The following PPIL6 variants were observed in gnomAD, a reference collection of about 807,000 sequenced individuals.
PPIL6 encodes the protein peptidylprolyl isomerase like 6.
A neutral mutation model predicts 36.8 loss-of-function variants in PPIL6; 39 were observed. The observed-to-expected ratio is 1.06, with a 90% CI of 0.82 to 1.38. The LOEUF is 1.38. Ranked by LOEUF, PPIL6 falls within the 40% of genes most tolerant of loss-of-function variation. The pLI, the probability that PPIL6 is intolerant of heterozygous loss-of-function variation, is 0.00. For synonymous variants in PPIL6, 123 were observed against 134.1 expected, an observed-to-expected ratio of 0.92 and a Z score of 0.57; for missense variants, 368 against 379.1, an observed-to-expected ratio of 0.97 and a Z score of 0.24.
At chr6:109,400,259 A>G in intron 6 of PPIL6, 89 bp from the exon 7 acceptor site, 1 of 1,011,778 alleles carries the variant, frequency 9.9e-7, no homozygotes, top group Non-Finnish European at 1.4e-6. Flanking sequence ...AACCCTTGGT[A>G]ACACTCTCAA....
intron 1 of PPIL6, among the ~76,000 whole-genome samples, chr6:109,436,737 AAAAAC>A (rs1774469776): frequency 6.6e-6 from 1 of 152,148 alleles, no homozygotes; most frequent in Admixed American, 6.5e-5. Context: ...CAAAAAACAA[AAAAAC>A]AAAACAAAAC....
chr6:109,397,111 A>T (rs527552816), intron 7 of PPIL6, among the ~76,000 whole-genome samples: 1 of 150,648 alleles, frequency 6.6e-6, no homozygotes, highest in East Asian at 1.9e-4. Flanking sequence ...AGCACTCTGT[A>T]AGGTCTTATT....
chr6:109,418,302 C>G (rs1773365898), intron 6 of PPIL6: 1 of 152,744 alleles, frequency 6.5e-6, no homozygotes, highest in Admixed American at 6.6e-5. Flanking sequence ...CTGCTCCTGC[C>G]TCTTCCAACC....
chr6:109,434,471 T>C lies in PPIL6; in HGVS notation c.231+1633A>G, dbSNP rs752638385. ...TGTGTGTCTAGAATACTGTCTGTCA[T>C]ATAATAAGCAGAATTGTAAGTGTTT... is the stretch of plus-strand genomic sequence containing the variant. On this transcript the variant is annotated intron_variant, in intron 2 of 7. Transcript: ENST00000521072. 5.0e-4 allele frequency among the ~76,000 whole-genome samples: 76 copies of C among 152,284 alleles called. 2 individuals are homozygous for C. Among genetic ancestry groups the C allele is most frequent in the Non-Finnish European group, 1.5e-4 (10 of 68,026 alleles).
At chr6:109,417,861 G>A (rs963149112) in intron 6 of PPIL6, among the ~76,000 whole-genome samples, 2 of 152,110 alleles carry the variant, frequency 1.3e-5, no homozygotes, top group Non-Finnish European at 2.9e-5. Context: ...AAACAATTAC[G>A]TAATCTTCCC....
At chr6:109,398,495 A>AAC (rs1489427268) in intron 7 of PPIL6, among the ~76,000 whole-genome samples, 5 of 152,188 alleles carry the variant, frequency 3.3e-5, no homozygotes, top group African/African-American at 9.6e-5. Flanking sequence ...GAAAAATACA[A>AAC]ACACTTTACA....
intron 6 of PPIL6, among the ~76,000 whole-genome samples, chr6:109,401,814 T>TCC (rs10691068): frequency 0.52 from 78,628 of 150,974 alleles, 21,591 homozygotes; most frequent in African/African-American, 0.71. Flanking sequence ...AAGCTGCGCC[T>TCC]CGGGTTCATG....
chr6:109,396,680 C>T (rs1482950660), intron 7 of PPIL6, among the ~76,000 whole-genome samples: 6 of 151,808 alleles, frequency 4.0e-5, no homozygotes, highest in Non-Finnish European at 8.8e-5. Context: ...TGAAATAATT[C>T]CCCCTCCCCC....
chr6:109,409,199 A>G (rs1772914165), intron 6 of PPIL6, among the ~76,000 whole-genome samples: 1 of 152,246 alleles, frequency 6.6e-6, no homozygotes, highest in Non-Finnish European at 1.5e-5. Flanking sequence ...GACTGGGTAT[A>G]GTTCTCCTAG....
intron 4 of PPIL6, 27 bp downstream of exon 4, chr6:109,427,067 A>T (rs1294490615): frequency 6.3e-7 from 1 of 1,598,988 alleles, no homozygotes. Context: ...CTACCCCCAC[A>T]AACTTACATA....
chr6:109,397,330 C>T (rs954733305), intron 7 of PPIL6, among the ~76,000 whole-genome samples: 12 of 151,834 alleles, frequency 7.9e-5, no homozygotes, highest in African/African-American at 2.4e-4. Flanking sequence ...AAAAGGAGAC[C>T]GAGTGCTCTC....
rs182825846 is a variant in PPIL6 at position 109,427,593 on chromosome 6, C to T, written c.421-437G>A. Among the ~76,000 whole-genome samples, 6 of 152,176 alleles carry T rather than the reference C, an allele frequency of 3.9e-5. No individual in the cohort carries two copies. The East Asian group carries it at 5.8e-4, about 15-fold the overall frequency. ...ATAGAGATGGGGTTTCACCACGTTG[C>T]CCAGGGTGGTCTCGAACTCCTGAGC... On this transcript the variant is annotated intron_variant, in intron 3 of 7. Transcript: ENST00000521072.
Position 109,436,096 on chromosome 6 carries a change from T to C in PPIL6, c.231+8A>G. 3.4e-6 allele frequency: 5 copies of C among 1,463,582 alleles called. No individual in the cohort carries two copies. Among genetic ancestry groups the C allele is most frequent in the South Asian group, 1.2e-5 (1 of 86,940 alleles). 90.7% of individuals were successfully genotyped at this position (1,463,582 alleles called of 1,614,324 possible). A position where few individuals can be genotyped will look rare whatever the true frequency, so the allele number is the denominator to read the frequency against. ...GTCTATATCCCCCACACCCCAAATA[T>C]CCTTTACCCTTTTTTTCTCCTGTAG... is the stretch of plus-strand genomic sequence containing the variant. On this transcript the variant is annotated splice_region_variant and intron_variant, in intron 2 of 7. Transcript: ENST00000521072.
rs1351195831 is a variant in PPIL6, at chr6:109,390,817, A to G, written c.*2009T>C. Reference sequence around the variant, plus strand: ...TGGGGAAAATGGGTGAAAGGTACACAGGACTGCTCTGTACTATTTTTGCAA... The same window carrying G: ...TGGGGAAAATGGGTGAAAGGTACACGGGACTGCTCTGTACTATTTTTGCAA... On this transcript the variant is annotated 3_prime_UTR_variant, in exon 8 of 8. Coordinates refer to ENST00000521072, the MANE Select transcript of PPIL6 (RefSeq NM_173672.5). 6.6e-6 allele frequency: 1 copy of G among 152,214 alleles called. No individual in the cohort carries two copies. The highest frequency in any genetic ancestry group is 2.4e-5 in the African/African-American group (1 of 41,448). The allele number at this position is 152,214 out of a possible 1,614,324, so 9.4% of individuals were successfully genotyped here.
rs369031563 is a variant in PPIL6 at position 109,400,134 on chromosome 6, A to G, written c.725T>C (p.Val242Ala). The change falls in exon 7 of 8, where the codon GTA becomes GCA. Residue 242 changes from valine to alanine, a missense_variant. Val to Ala is a moderately conservative substitution (Grantham distance 64). Transcript: ENST00000521072. ...ACGGCCTTTGTTGGCCATTCCAAGTACTCCTCTTTTATTATGAGGAACTGA... is the reference window on the plus strand; with the variant it reads ...ACGGCCTTTGTTGGCCATTCCAAGTGCTCCTCTTTTATTATGAGGAACTGA... The part of the protein sequence containing the change: ...NFSVPHNKRG[V>A]LGMANKGRHS... The G allele has an allele frequency of 5.3e-5, 85 of 1,613,222 alleles. No individual in the cohort carries two copies. The highest frequency in any genetic ancestry group is 6.7e-5 in the Admixed American group (4 of 59,984).
At chr6:109,440,924 A>C, upstream of PPIL6, 1 of 592,266 alleles carries the variant, frequency 1.7e-6, no homozygotes, top group Non-Finnish European at 2.9e-6. Flanking sequence ...GGCCCGCCTG[A>C]TTGGGAACAG....
chr6:109,403,183 A>G (rs1180674323), intron 6 of PPIL6: 1 of 1,110,120 alleles, frequency 9.0e-7, no homozygotes, highest in Non-Finnish European at 1.2e-6. Flanking sequence ...CTAGTTGTTC[A>G]GACTAGTCTT....
At chr6:109,439,708 G>A (rs1050821630) in intron 1 of PPIL6, among the ~76,000 whole-genome samples, 1 of 152,166 alleles carries the variant, frequency 6.6e-6, no homozygotes, top group African/African-American at 2.4e-5. Context: ...CATTAATTAA[G>A]GCATGGTCCT....
chr6:109,395,596 G>T (rs574618054), intron 7 of PPIL6, among the ~76,000 whole-genome samples: 10 of 144,276 alleles, frequency 6.9e-5, no homozygotes, highest in African/African-American at 2.5e-4. Flanking sequence ...CCTCACCCCC[G>T]ACTCTAACTT....
Sources: allele counts gnomAD v4.1 joint callset (sites outside exome capture counted in the v4.1 genomes callset), GRCh38; gene constraint gnomAD v4.1.1; transcripts MANE v1.5; gene names NCBI Gene and HGNC (gene_info 2026-07-23, HGNC 2026-07-21).